Variants in DPYD observed in about 807,000 individuals in gnomAD.
The protein encoded by DPYD is dihydropyrimidine dehydrogenase.
In DPYD, 109 loss-of-function variants were observed where a neutral mutation model predicts 116.2. That is an observed-to-expected ratio of 0.94 (90% CI 0.80 to 1.10). The LOEUF is 1.10. DPYD is among the 50% of genes least tolerant of loss of function. The pLI is 0.00. For missense variants in DPYD, 1,302 were observed against 1,254.5 expected, an observed-to-expected ratio of 1.04 and a Z score of -0.57; for synonymous variants, 440 against 432.0, an observed-to-expected ratio of 1.02 and a Z score of -0.23.
At chr1:97,725,610 G>A (rs2101036503) in intron 4 of DPYD, among the ~76,000 whole-genome samples, 1 of 151,770 alleles carries the variant, frequency 6.6e-6, no homozygotes, top group South Asian at 2.1e-4. Context: ...GTAGATCAAT[G>A]TGATATAAAT....
At chr1:97,489,465 A>T (rs933379814) in intron 13 of DPYD, among the ~76,000 whole-genome samples, 1 of 152,240 alleles carries the variant, frequency 6.6e-6, no homozygotes, top group Non-Finnish European at 1.5e-5. Flanking sequence ...ACAAAGGAAT[A>T]AAAGTAATAC....
At chr1:97,252,482 C>A (rs977001480) in intron 18 of DPYD, among the ~76,000 whole-genome samples, 1 of 152,116 alleles carries the variant, frequency 6.6e-6, no homozygotes, top group Admixed American at 6.6e-5. Context: ...ACATAAGTGT[C>A]TCATCGTCCA....
chr1:97,762,725 T>A (rs1295416493), intron 3 of DPYD, among the ~76,000 whole-genome samples: 1 of 152,088 alleles, frequency 6.6e-6, no homozygotes, highest in African/African-American at 2.4e-5. Context: ...TTGTCTTTTT[T>A]TCCCAAAAAG....
chr1:97,168,227 AC>A (rs1426025133), intron 20 of DPYD, among the ~76,000 whole-genome samples: 1 of 152,216 alleles, frequency 6.6e-6, no homozygotes, highest in African/African-American at 2.4e-5. Flanking sequence ...AATCTTCTCC[AC>A]AATGTGTAAC....
At chr1:97,697,048 C>T (rs1205423793) in intron 6 of DPYD, among the ~76,000 whole-genome samples, 2 of 152,054 alleles carry the variant, frequency 1.3e-5, no homozygotes, top group African/African-American at 4.8e-5. Context: ...TATGTACAAA[C>T]ATTCTTGAAA....
chr1:97,394,987 G>A (rs1163030547), intron 14 of DPYD, among the ~76,000 whole-genome samples: 1 of 151,884 alleles, frequency 6.6e-6, no homozygotes, highest in African/African-American at 2.4e-5. Context: ...AATCAGCTAA[G>A]CATTTGGATT....
intron 18 of DPYD, among the ~76,000 whole-genome samples, chr1:97,255,427 G>T (rs1423710680): frequency 1.3e-5 from 2 of 152,084 alleles, no homozygotes; most frequent in Non-Finnish European, 2.9e-5. Context: ...ATGTGGGCAG[G>T]TCTTTCCCTG....
chr1:97,849,053 G>T (rs1019965301), intron 2 of DPYD, among the ~76,000 whole-genome samples: 11 of 152,076 alleles, frequency 7.2e-5, no homozygotes, highest in Middle Eastern at 6.8e-3. Context: ...AACAAAAAAA[G>T]CCCTGTATAA....
chr1:97,203,178 T>G (rs1205500662), intron 19 of DPYD, among the ~76,000 whole-genome samples: 1 of 152,112 alleles, frequency 6.6e-6, no homozygotes, highest in East Asian at 1.9e-4. Context: ...TTTCAATTAC[T>G]CTGCAGTAAC....
intron 3 of DPYD, among the ~76,000 whole-genome samples, chr1:97,748,373 C>T (rs1664676854): frequency 6.6e-6 from 1 of 152,096 alleles, no homozygotes; most frequent in Non-Finnish European, 1.5e-5. Flanking sequence ...CTGTGGGAGG[C>T]CACGGCGGGC....
At chr1:97,157,423 G>A (rs1019068086) in intron 20 of DPYD, among the ~76,000 whole-genome samples, 2 of 151,910 alleles carry the variant, frequency 1.3e-5, no homozygotes, top group African/African-American at 4.8e-5. Flanking sequence ...TTTCTTATTG[G>A]GAAGACTTAT....
intron 18 of DPYD, among the ~76,000 whole-genome samples, chr1:97,287,298 G>C (rs1170808237): frequency 6.6e-6 from 1 of 152,166 alleles, no homozygotes; most frequent in Non-Finnish European, 1.5e-5. Context: ...TTCTGTCTCA[G>C]AGGAGTACCC....
intron 14 of DPYD, among the ~76,000 whole-genome samples, chr1:97,432,751 T>C (rs981159040): frequency 1.3e-5 from 2 of 152,144 alleles, no homozygotes; most frequent in African/African-American, 2.4e-5. Flanking sequence ...ACTTCTCTTA[T>C]TAGGCTGCTA....
intron 20 of DPYD, among the ~76,000 whole-genome samples, chr1:97,101,546 A>G (rs1650691522): frequency 6.6e-6 from 1 of 151,560 alleles, no homozygotes; most frequent in South Asian, 2.1e-4. Flanking sequence ...AAGAGTGAAG[A>G]TGAATGCATA....
At chr1:97,390,094 G>T (rs534673131) in intron 14 of DPYD, among the ~76,000 whole-genome samples, 1 of 152,166 alleles carries the variant, frequency 6.6e-6, no homozygotes, top group East Asian at 1.9e-4. Flanking sequence ...ACAATAACAT[G>T]CAGGCTGTCT....
At chr1:97,526,192 G>A (rs964780007) in intron 12 of DPYD, among the ~76,000 whole-genome samples, 11 of 152,110 alleles carry the variant, frequency 7.2e-5, no homozygotes, top group Admixed American at 7.2e-4. Flanking sequence ...TGAGTTACAG[G>A]AAGATCTCAT....
chr1:97,649,464 T>C (rs1257808253), intron 8 of DPYD, among the ~76,000 whole-genome samples: 1 of 152,124 alleles, frequency 6.6e-6, no homozygotes, highest in Non-Finnish European at 1.5e-5. Context: ...ATACTATCTG[T>C]ACATGAATAA....
chr1:97,169,662 C>T (rs879832257), intron 20 of DPYD, among the ~76,000 whole-genome samples: 1 of 151,924 alleles, frequency 6.6e-6, no homozygotes, highest in African/African-American at 2.4e-5. Flanking sequence ...ATAGACTCTA[C>T]TAGCAACCTG....
chr1:97,908,413 T>G (rs1265007842), intron 1 of DPYD, among the ~76,000 whole-genome samples: 2 of 152,002 alleles, frequency 1.3e-5, no homozygotes, highest in Non-Finnish European at 2.9e-5. Context: ...AACTCAGTGC[T>G]TCTGTCATCT....
Sources: gnomAD v4.1 joint callset for allele counts (sites outside exome capture counted in the v4.1 genomes callset) on GRCh38, gnomAD v4.1.1 for gene constraint, MANE v1.5 for transcripts, NCBI Gene and HGNC (gene_info 2026-07-23, HGNC 2026-07-21) for gene names.